Variants in MARCHF1 observed in about 807,000 individuals in gnomAD.
MARCHF1 encodes the protein membrane associated ring-CH-type finger 1, also known as E3 ubiquitin-protein ligase MARCHF1.
In MARCHF1, 40 loss-of-function variants were observed where a neutral mutation model predicts 54.2. That is an observed-to-expected ratio of 0.74 (90% CI 0.57 to 0.96). The LOEUF (loss-of-function observed/expected upper bound fraction) is 0.96, where lower values mean the gene tolerates loss of function less well. MARCHF1 is among the 40% of genes least tolerant of loss of function. The probability of loss-of-function intolerance (pLI) is 0.00; values close to 1 mark genes in which losing one functional copy is unlikely to be tolerated. For synonymous variants in MARCHF1, 236 were observed against 236.3 expected (o/e 1.00, Z 0.01); for missense variants, 586 against 656.5 (o/e 0.89, Z 1.17).
Position 164,340,405 on chromosome 4 carries a change from TTATATATAGA to T in MARCHF1, c.-323+43455_-323+43464del, listed in dbSNP as rs1233264990. On this transcript the variant is annotated intron_variant, in intron 1 of 9. Coordinates refer to ENST00000514618, the MANE Select transcript of MARCHF1 (RefSeq NM_001394959.1). Reference sequence around the variant, plus strand: ...ACAGCACATGCCACCAGGCCTTGATTTATATATAGATATATATATATATATATATAGTTTG... The same window carrying T: ...ACAGCACATGCCACCAGGCCTTGATTTATATATATATATATATATAGTTTG... 3.6e-4 allele frequency among the ~76,000 whole-genome samples: 34 copies of T among 95,654 alleles called. 4 individuals are homozygous for T. Among genetic ancestry groups the T allele is most frequent in the East Asian group, 1.2e-3 (3 of 2,520 alleles). The allele number at this position is 95,654 out of a possible 152,430, so 62.8% of individuals were successfully genotyped here. A position where few individuals can be genotyped will look rare whatever the true frequency, so the allele number is the denominator to read the frequency against.
intron 1 of MARCHF1, among the ~76,000 whole-genome samples, chr4:164,225,091 A>G (rs1294480607): frequency 6.6e-6 from 1 of 152,004 alleles, no homozygotes; most frequent in African/African-American, 2.4e-5. Flanking sequence ...CTATGGTGTA[A>G]GTCTCCCATG....
At chr4:164,318,872 G>A (rs1398571679) in intron 1 of MARCHF1, among the ~76,000 whole-genome samples, 1 of 152,152 alleles carries the variant, frequency 6.6e-6, no homozygotes, top group Admixed American at 6.5e-5. Flanking sequence ...TATATCATTT[G>A]TAATATGTTT....
chr4:163,858,955 T>A (rs538417507), intron 3 of MARCHF1, among the ~76,000 whole-genome samples: 1 of 152,306 alleles, frequency 6.6e-6, no homozygotes, highest in African/African-American at 2.4e-5. Context: ...GGGGTCTTTT[T>A]AATTTCTGCA....
At chr4:163,959,971 A>C (rs34077244) in intron 3 of MARCHF1, among the ~76,000 whole-genome samples, 8,981 of 151,816 alleles carry the variant, frequency 0.059, 526 homozygotes, top group East Asian at 0.18. Context: ...AAGAGGAAAA[A>C]AACCCCATTA....
intron 1 of MARCHF1, among the ~76,000 whole-genome samples, chr4:164,348,194 G>C (rs543038143): frequency 1.2e-3 from 186 of 148,938 alleles, no homozygotes; most frequent in African/African-American, 4.4e-3. Flanking sequence ...CTTTTTTTTT[G>C]TAGAAGATCA....
At chr4:164,104,144 G>A (rs1284581827) in intron 2 of MARCHF1, among the ~76,000 whole-genome samples, 1 of 148,220 alleles carries the variant, frequency 6.7e-6, no homozygotes, top group East Asian at 2.0e-4. Context: ...ACCAAAAAGA[G>A]TCCAGGACCA....
chr4:163,964,282 G>A (rs34724563), intron 3 of MARCHF1, among the ~76,000 whole-genome samples: 25,214 of 151,898 alleles, frequency 0.17, 2,653 homozygotes, highest in South Asian at 0.34. Flanking sequence ...ACTTCACTAT[G>A]AGTAGAAACT....
intron 5 of MARCHF1, among the ~76,000 whole-genome samples, chr4:163,698,512 A>G (rs1458392530): frequency 6.6e-6 from 1 of 152,192 alleles, no homozygotes; most frequent in Non-Finnish European, 1.5e-5. Context: ...TTTGTGGTAC[A>G]ATTTAAGTTA....
chr4:164,224,605 A>G (rs766226381), intron 1 of MARCHF1, among the ~76,000 whole-genome samples: 3 of 152,034 alleles, frequency 2.0e-5, no homozygotes, highest in East Asian at 1.9e-4. Flanking sequence ...TTTTACATGA[A>G]AGCATTTTCT....
intron 1 of MARCHF1, among the ~76,000 whole-genome samples, chr4:164,380,973 C>G (rs1416788400): frequency 6.6e-6 from 1 of 152,206 alleles, no homozygotes; most frequent in African/African-American, 2.4e-5. Flanking sequence ...ACGTTTCGCT[C>G]TATCATAGAG....
chr4:164,328,266 T>C (rs1480282356), intron 1 of MARCHF1, among the ~76,000 whole-genome samples: 1 of 152,158 alleles, frequency 6.6e-6, no homozygotes, highest in Non-Finnish European at 1.5e-5. Flanking sequence ...ACATGGCAAA[T>C]ATTTACTTTT....
intron 8 of MARCHF1, among the ~76,000 whole-genome samples, chr4:163,562,298 A>G (rs1002553742): frequency 5.2e-5 from 2 of 38,160 alleles, no homozygotes; most frequent in African/African-American, 2.4e-4. Context: ...TCTGTCTCAA[A>G]AACAAAACAA....
At chr4:163,959,031 A>T (rs189318398) in intron 3 of MARCHF1, among the ~76,000 whole-genome samples, 8 of 152,018 alleles carry the variant, frequency 5.3e-5, no homozygotes, top group Non-Finnish European at 1.2e-4. Context: ...CTCCCCAGCC[A>T]AATGCCAGCT....
At chr4:163,766,044 T>C (rs188215876) in intron 4 of MARCHF1, among the ~76,000 whole-genome samples, 1 of 151,352 alleles carries the variant, frequency 6.6e-6, no homozygotes, top group Non-Finnish European at 1.5e-5. Context: ...TTTCTTTCTA[T>C]GATTATCAAT....
chr4:164,258,393 T>C (rs1398425616), intron 1 of MARCHF1, among the ~76,000 whole-genome samples: 7 of 147,380 alleles, frequency 4.7e-5, no homozygotes, highest in Admixed American at 2.7e-4. Flanking sequence ...ACTTAAAGTA[T>C]AATAATAATA....
At chr4:163,639,984 C>A (rs1051781225) in intron 5 of MARCHF1, among the ~76,000 whole-genome samples, 1 of 152,098 alleles carries the variant, frequency 6.6e-6, no homozygotes, top group Non-Finnish European at 1.5e-5. Context: ...CCTCATCTCA[C>A]AGATCACTCC....
chr4:164,247,657 A>G (rs2111233749), intron 1 of MARCHF1, among the ~76,000 whole-genome samples: 1 of 151,436 alleles, frequency 6.6e-6, no homozygotes, highest in South Asian at 2.1e-4. Flanking sequence ...AAAAAAAAAA[A>G]TGTAATCCCA....
intron 5 of MARCHF1, among the ~76,000 whole-genome samples, chr4:163,662,738 T>G (rs1332300124): frequency 6.6e-6 from 1 of 151,966 alleles, no homozygotes; most frequent in East Asian, 1.9e-4. Context: ...CAGGCCGGAT[T>G]GTTTTTGGGA....
At chr4:164,382,589 A>G (rs1029220171) in intron 1 of MARCHF1, among the ~76,000 whole-genome samples, 1 of 152,204 alleles carries the variant, frequency 6.6e-6, no homozygotes, top group Admixed American at 6.5e-5. Flanking sequence ...AAAGTAGCAA[A>G]CTTTCACTTC....
Sources: allele counts gnomAD v4.1 joint callset (sites outside exome capture counted in the v4.1 genomes callset), GRCh38; gene constraint gnomAD v4.1.1; transcripts MANE v1.5; gene names NCBI Gene and HGNC (gene_info 2026-07-23, HGNC 2026-07-21).